SLC39A8: variants seen among roughly 807,000 people sequenced by gnomAD.
SLC39A8 encodes solute carrier family 39 member 8, also known as metal cation symporter ZIP8.
A neutral mutation model predicts 40.4 loss-of-function variants in SLC39A8; 15 were observed. That is an observed-to-expected ratio of 0.37 (90% CI 0.25 to 0.57). SLC39A8 has a LOEUF of 0.57. SLC39A8 is among the 20% of genes least tolerant of loss of function. The pLI, the probability that SLC39A8 is intolerant of heterozygous loss-of-function variation, is 0.75. For synonymous variants in SLC39A8, 223 were observed against 221.6 expected (o/e 1.01, Z -0.06); for missense variants, 472 against 558.8 (o/e 0.84, Z 1.57).
intron 2 of SLC39A8, among the ~76,000 whole-genome samples, chr4:102,327,952 T>TAATAA (rs1735289567): frequency 6.6e-6 from 1 of 152,212 alleles, no homozygotes; most frequent in South Asian, 2.1e-4. Context: ...GTGGCCCTGA[T>TAATAA]GCTACAAATA....
chr4:102,267,232 T>C (rs1213306973), intron 8 of SLC39A8, among the ~76,000 whole-genome samples: 2 of 151,558 alleles, frequency 1.3e-5, no homozygotes, highest in African/African-American at 4.8e-5. Flanking sequence ...GGAAAATATC[T>C]CTATTTCAGC....
chr4:102,322,651 A>G (rs1384792789), intron 2 of SLC39A8, among the ~76,000 whole-genome samples: 1 of 152,126 alleles, frequency 6.6e-6, no homozygotes, highest in African/African-American at 2.4e-5. Flanking sequence ...CAAGGCCTTC[A>G]CATCACACCA....
intron 2 of SLC39A8, among the ~76,000 whole-genome samples, chr4:102,323,770 G>A (rs1735065594): frequency 6.6e-6 from 1 of 152,230 alleles, no homozygotes; most frequent in Admixed American, 6.5e-5. Context: ...TCAGATATAT[G>A]TGTTCTCATG....
At chr4:102,343,503 A>G (rs1312984924) in intron 2 of SLC39A8, among the ~76,000 whole-genome samples, 2 of 152,178 alleles carry the variant, frequency 1.3e-5, no homozygotes, top group Admixed American at 6.5e-5. Context: ...CTACCCTCCA[A>G]TATCAGCTGT....
intron 11 of SLC39A8, among the ~76,000 whole-genome samples, chr4:102,254,088 C>T (rs924680298): frequency 2.0e-5 from 3 of 152,136 alleles, no homozygotes; most frequent in South Asian, 4.1e-4. Context: ...GAAATGAATT[C>T]GACGTTATTC....
chr4:102,271,662 C>A (rs1237719031), intron 6 of SLC39A8, among the ~76,000 whole-genome samples: 1 of 152,318 alleles, frequency 6.6e-6, no homozygotes, highest in East Asian at 1.9e-4. Context: ...TAAGGGGATG[C>A]TCTTGGACTC....
intron 11 of SLC39A8, among the ~76,000 whole-genome samples, chr4:102,255,942 C>T (rs1031185894): frequency 1.5e-4 from 23 of 152,198 alleles, no homozygotes; most frequent in Non-Finnish European, 2.5e-4. Flanking sequence ...GTGCATCCTT[C>T]TACGAAATGC....
intron 3 of SLC39A8, among the ~76,000 whole-genome samples, chr4:102,308,031 T>C (rs1171751715): frequency 8.2e-6 from 1 of 121,716 alleles, no homozygotes; most frequent in Non-Finnish European, 1.7e-5. Context: ...TATGGGGTGA[T>C]GGGTGGGAGG....
intron 2 of SLC39A8, among the ~76,000 whole-genome samples, chr4:102,330,523 G>A (rs1235004671): frequency 2.6e-5 from 4 of 152,228 alleles, no homozygotes; most frequent in African/African-American, 9.6e-5. Flanking sequence ...AATGGAGGCA[G>A]TAATTAATAG....
At chr4:102,319,575 C>T (rs1483926423) in intron 2 of SLC39A8, among the ~76,000 whole-genome samples, 1 of 152,070 alleles carries the variant, frequency 6.6e-6, no homozygotes, top group Non-Finnish European at 1.5e-5. Flanking sequence ...ACCAAAATCC[C>T]CCCTACCCTT....
At chr4:102,287,960 G>T (rs1426253001) in intron 6 of SLC39A8, among the ~76,000 whole-genome samples, 1 of 152,050 alleles carries the variant, frequency 6.6e-6, no homozygotes, top group Non-Finnish European at 1.5e-5. Context: ...TTTCTTGCAC[G>T]TGACAGGTAC....
intron 2 of SLC39A8, among the ~76,000 whole-genome samples, chr4:102,321,906 G>A (rs148684933): frequency 9.8e-5 from 15 of 152,328 alleles, no homozygotes; most frequent in African/African-American, 2.9e-4. Flanking sequence ...ATGCATACAC[G>A]ATTTGTGCAA....
chr4:102,267,542 A>G lies in SLC39A8; in HGVS notation c.1181T>C (p.Ile394Thr), dbSNP rs770575495. 1.2e-6 allele frequency: 2 copies of G among 1,613,998 alleles called. No individual in the cohort carries two copies. The highest frequency in any genetic ancestry group is 1.1e-5 in the South Asian group (1 of 91,024). ...ILVGNNFAPN[I>T]IFALAGGMFL... ...CATGCCTCCAGCAAGTGCAAATATA[A>G]TATTTGGAGCGAAATTGTTGCCCAC... The change falls in exon 8 of 9, where the codon ATT becomes ACT. Residue 394 changes from isoleucine (I) to threonine (T), a missense_variant. Transcript: ENST00000356736.
At chr4:102,265,840 T>A (rs1732074637) in intron 8 of SLC39A8, among the ~76,000 whole-genome samples, 1 of 152,334 alleles carries the variant, frequency 6.6e-6, no homozygotes, top group East Asian at 1.9e-4. Flanking sequence ...TTTCTCCTTT[T>A]CCATTACCTG....
chr4:102,251,523 G>T (rs1273862804), exon 12 of SLC39A8: 2 of 152,136 alleles, frequency 1.3e-5, no homozygotes, highest in African/African-American at 4.8e-5. Flanking sequence ...TCCTACCTGG[G>T]CCCAAGAATT....
At chr4:102,300,954 T>C (rs1379584303) in intron 6 of SLC39A8, among the ~76,000 whole-genome samples, 2 of 152,164 alleles carry the variant, frequency 1.3e-5, no homozygotes, top group African/African-American at 2.4e-5. Context: ...TGTTGCTCAA[T>C]TTGTTTAAAT....
intron 2 of SLC39A8, 64 bp from the exon 3 acceptor site, chr4:102,315,894 C>T: frequency 7.2e-7 from 1 of 1,386,890 alleles, no homozygotes; most frequent in South Asian, 1.5e-5. Flanking sequence ...AGCAAAGATG[C>T]TATAAAGAGA....
In SLC39A8 at chr4:102,304,493, C is replaced by T. The variant is rs1288166866; in HGVS notation, c.676-12G>A. 8 of 1,596,130 alleles carry T rather than the reference C, an allele frequency of 5.0e-6. No homozygotes were observed. The highest frequency in any genetic ancestry group is 4.1e-5 in the African/African-American group (3 of 73,718). ...TGGGTATGACCATTCTATATGGGAA[C>T]AAAAACCAAAGAGATTATAAGAAGA... On this transcript the variant is annotated splice_polypyrimidine_tract_variant and intron_variant, in intron 5 of 8. Coordinates refer to ENST00000356736, the MANE Select transcript of SLC39A8 (RefSeq NM_001135146.2).
exon 12 of SLC39A8, chr4:102,251,798 T>C (rs144729460): frequency 2.0e-5 from 3 of 152,378 alleles, no homozygotes; most frequent in African/African-American, 4.8e-5. Flanking sequence ...TTTCTCATCA[T>C]TGATAGGGAG....
Sources: allele counts gnomAD v4.1 joint callset (sites outside exome capture counted in the v4.1 genomes callset), GRCh38; gene constraint gnomAD v4.1.1; transcripts MANE v1.5; gene names NCBI Gene and HGNC (gene_info 2026-07-23, HGNC 2026-07-21).